The following OAT variants were observed in gnomAD, a reference collection of about 807,000 sequenced individuals.
OAT encodes ornithine aminotransferase, mitochondrial.
A neutral mutation model predicts 48.4 loss-of-function variants in OAT; 35 were observed. The observed-to-expected ratio is 0.72, with a 90% CI of 0.55 to 0.96. OAT has a LOEUF of 0.96. Among genes scored for constraint, OAT ranks in the 40% least tolerant of loss-of-function variants. The probability of loss-of-function intolerance (pLI) is 0.00; values close to 1 mark genes in which losing one functional copy is unlikely to be tolerated. For missense variants in OAT, 438 were observed against 537.9 expected, an observed-to-expected ratio of 0.81 and a Z score of 1.84; for synonymous variants, 182 against 198.4, an observed-to-expected ratio of 0.92 and a Z score of 0.70.
At chr10:124,407,503 A>G (rs1951617986) in intron 4 of OAT, 1 of 951,990 alleles carries the variant, frequency 1.1e-6, no homozygotes, top group South Asian at 4.9e-5. Flanking sequence ...AGATTTTTAA[A>G]TGGCAAGTTA....
At position 124,403,833 on chromosome 10, in the gene OAT, G is replaced by A. The variant is rs146882296; in HGVS notation, c.736C>T (p.Leu246=). The A allele has an allele frequency of 2.8e-4, 448 of 1,614,136 alleles. 2 individuals are homozygous for A. The East Asian group carries it at 3.6e-3, about 13-fold the overall frequency. The change falls in exon 6 of 10, where the codon CTA becomes TTA. Residue 246 remains leucine (L), a synonymous_variant. Coordinates refer to ENST00000368845, the MANE Select transcript of OAT (RefSeq NM_000274.4). ...AGVVVPDPGY[L]MGVRELCTRH... ...GTGCAGAGCTCTCGCACTCCCATTA[G>A]GTAACCTGGATCCGGAACAACAACG...
At chr10:124,403,477 CAACA>C in intron 6 of OAT, 1 of 434,582 alleles carries the variant, frequency 2.3e-6, no homozygotes, top group South Asian at 2.1e-5. Context: ...GGAGAGAATA[CAACA>C]AAGGGCTTGC....
At position 124,405,329 on chromosome 10, in the gene OAT, G is replaced by C. The variant is rs186216331; in HGVS notation, c.648+107C>G. 44 of 1,527,618 alleles carry C rather than the reference G, an allele frequency of 2.9e-5. No individual in the cohort carries two copies. In the Admixed American group the frequency reaches 7.3e-4, roughly 25 times the overall value. The allele number at this position is 1,527,618 out of a possible 1,614,324, so 94.6% of individuals were successfully genotyped here. ...AGTCTGAAATCGTGGCTTAACTTAA[G>C]TGAGATAAATTTGCATTACTGTCAT... On this transcript the variant is annotated intron_variant, in intron 5 of 9. Coordinates refer to ENST00000368845, the MANE Select transcript of OAT (RefSeq NM_000274.4).
In OAT at chr10:124,397,504, C is replaced by T. The variant is rs1951266144; in HGVS notation, c.*438G>A. 1 of 168,694 alleles carries T rather than the reference C, an allele frequency of 5.9e-6. No individual in the cohort carries two copies. The highest frequency in any genetic ancestry group is 1.3e-5 in the Non-Finnish European group (1 of 77,826). The allele number at this position is 168,694 out of a possible 1,614,324, so 10.4% of individuals were successfully genotyped here. A position where few individuals can be genotyped will look rare whatever the true frequency, so the allele number is the denominator to read the frequency against. On this transcript the variant is annotated 3_prime_UTR_variant, in exon 10 of 10. Coordinates refer to ENST00000368845, the MANE Select transcript of OAT (RefSeq NM_000274.4). ...ATATTAGTATTTTATATACACTTAA[C>T]CATTAATCCTTCCTAAAATTCAATA...
At chr10:124,417,897 T>C (rs1417959091) in intron 1 of OAT, among the ~76,000 whole-genome samples, 1 of 152,228 alleles carries the variant, frequency 6.6e-6, no homozygotes, top group Non-Finnish European at 1.5e-5. Context: ...GAGGTAAAAC[T>C]GAACACCGAA....
chr10:124,408,414 G>T, intron 4 of OAT, 128 bp downstream of exon 4: 1 of 695,364 alleles, frequency 1.4e-6, no homozygotes, highest in Non-Finnish European at 2.5e-6. Context: ...TTGAACTCCA[G>T]GGCTCAAAGA....
intron 1 of OAT, among the ~76,000 whole-genome samples, chr10:124,416,953 T>C (rs1043768197): frequency 1.3e-5 from 2 of 151,874 alleles, no homozygotes; most frequent in Non-Finnish European, 2.9e-5. Flanking sequence ...AAGTGCATCA[T>C]TGGCAAACAA....
At chr10:124,405,119 A>C (rs1269166670) in intron 5 of OAT, among the ~76,000 whole-genome samples, 4 of 152,240 alleles carry the variant, frequency 2.6e-5, no homozygotes, top group Non-Finnish European at 5.9e-5. Flanking sequence ...TTTCTTAAAA[A>C]GTCTTCCACT....
intron 2 of OAT, among the ~76,000 whole-genome samples, chr10:124,409,551 TA>T (rs1178077434): frequency 1.6e-4 from 7 of 43,864 alleles, no homozygotes; most frequent in Admixed American, 5.0e-4. Context: ...ATCCTGCCTA[TA>T]AAAAAAAAAA....
chr10:124,405,767 C>T, intron 4 of OAT: 1 of 1,362,108 alleles, frequency 7.3e-7, no homozygotes, highest in Non-Finnish European at 9.5e-7. Flanking sequence ...TAAGTCTGGC[C>T]TTGTAATTCC....
intron 9 of OAT, among the ~76,000 whole-genome samples, chr10:124,399,582 T>C (rs1054760674): frequency 1.3e-5 from 2 of 152,060 alleles, no homozygotes; most frequent in Non-Finnish European, 2.9e-5. Context: ...CCTAACCTCG[T>C]GATCCACCCG....
chr10:124,417,283 CTTT>C (rs59171918), intron 1 of OAT, among the ~76,000 whole-genome samples: 4,151 of 85,928 alleles, frequency 0.048, 52 homozygotes, highest in Non-Finnish European at 0.071. Context: ...AAACTATAAG[CTTT>C]TTTTTTTTTT....
At chr10:124,413,263 TACATACACACACACAC>T (rs1472623895) in intron 1 of OAT, among the ~76,000 whole-genome samples, 3 of 112,108 alleles carry the variant, frequency 2.7e-5, no homozygotes, top group African/African-American at 1.1e-4. Flanking sequence ...CATACATAAA[TACATACACACACACAC>T]ACACACACAC....
In OAT at chr10:124,408,854, T is replaced by G; in HGVS notation, c.311A>C (p.Gln104Pro). The change falls in exon 3 of 10, where the codon CAA (glutamine) becomes CCA (proline). Residue 104 changes from glutamine (Q) to proline (P), a missense_variant. Physicochemically the swap from Gln to Pro is moderately conservative, Grantham distance 76 (BLOSUM62 -1). Transcript: ENST00000368845. ...AGATGTTAAGGTCAATTTGTCCACTTGACTCTTCAGAGCATTCACAATCTT... is the reference window on the plus strand; with the variant it reads ...AGATGTTAAGGTCAATTTGTCCACTGGACTCTTCAGAGCATTCACAATCTT... ...HPKIVNALKS[Q>P]VDKLTLTSRA... The G allele has an allele frequency of 6.2e-7, 1 of 1,613,282 alleles. No individual in the cohort carries two copies. The highest frequency in any genetic ancestry group is 1.1e-5 in the South Asian group (1 of 91,042).
chr10:124,400,708 C>T, intron 9 of OAT, 132 bp downstream of exon 9: 1 of 670,808 alleles, frequency 1.5e-6, no homozygotes, highest in East Asian at 3.2e-5. Flanking sequence ...CAAGATTGCG[C>T]CACGGCACTG....
At position 124,400,886 on chromosome 10, in the gene OAT, T is replaced by C. The variant is rs370349040; in HGVS notation, c.1113A>G (p.Val371=). The change falls in exon 9 of 10, where the codon GTA becomes GTG. Residue 371 remains valine, a synonymous_variant. Transcript: ENST00000368845. The part of the protein sequence containing the change: ...MKLPSDVVTA[V]RGKGLLNAIV... ...TAGCGTTTAATAATCCTTTTCCTCTTACGGCAGTTACAACATCAGAAGGTA... is the reference window on the plus strand; with the variant it reads ...TAGCGTTTAATAATCCTTTTCCTCTCACGGCAGTTACAACATCAGAAGGTA... The C allele has an allele frequency of 4.2e-5, 68 of 1,605,932 alleles. No homozygotes were observed. Among genetic ancestry groups the C allele is most frequent in the Non-Finnish European group, 5.4e-5 (63 of 1,174,470 alleles).
chr10:124,411,218 G>A (rs1440230735), intron 2 of OAT, among the ~76,000 whole-genome samples: 2 of 146,910 alleles, frequency 1.4e-5, no homozygotes, highest in Non-Finnish European at 3.0e-5. Flanking sequence ...AGAAAACAAT[G>A]TAGAATATGC....
chr10:124,413,956 A>G (rs962485656), intron 1 of OAT, among the ~76,000 whole-genome samples: 7 of 152,076 alleles, frequency 4.6e-5, no homozygotes, highest in African/African-American at 1.5e-4. Context: ...TAAGCCATGA[A>G]GTAAAAACTA....
intron 2 of OAT, among the ~76,000 whole-genome samples, chr10:124,411,253 G>A (rs1951742810): frequency 6.6e-6 from 1 of 151,642 alleles, no homozygotes; most frequent in African/African-American, 2.4e-5. Context: ...GAAGAGAAGG[G>A]AGTGAACACA....
Sources: gnomAD v4.1 joint callset for allele counts (sites outside exome capture counted in the v4.1 genomes callset) on GRCh38, gnomAD v4.1.1 for gene constraint, MANE v1.5 for transcripts, NCBI Gene and HGNC (gene_info 2026-07-23, HGNC 2026-07-21) for gene names.